The following FRMD4A variants were observed in gnomAD, a reference collection of about 807,000 sequenced individuals.
The protein encoded by FRMD4A is FERM domain-containing protein 4A.
FRMD4A carries 29 observed loss-of-function variants against 129.1 expected under a neutral mutation model. The ratio of observed to expected loss-of-function variants is 0.22; its 90% CI spans 0.17 to 0.31. The LOEUF (loss-of-function observed/expected upper bound fraction) is 0.31. FRMD4A is among the 10% of genes least tolerant of loss of function. The probability of loss-of-function intolerance (pLI) is 1.00; values close to 1 mark genes in which losing one functional copy is unlikely to be tolerated. For synonymous variants in FRMD4A, 634 were observed against 571.6 expected (o/e 1.11, Z -1.56); for missense variants, 1,272 against 1,375.8 (o/e 0.92, Z 1.19).
At chr10:13,808,289 T>C (rs2093390670) in intron 4 of FRMD4A, among the ~76,000 whole-genome samples, 1 of 152,242 alleles carries the variant, frequency 6.6e-6, no homozygotes, top group Non-Finnish European at 1.5e-5. Flanking sequence ...CATTTTACTG[T>C]AAAACACACA....
intron 2 of FRMD4A, among the ~76,000 whole-genome samples, chr10:14,191,823 CT>C (rs1842328651): frequency 1.3e-5 from 2 of 149,204 alleles, no homozygotes; most frequent in Non-Finnish European, 3.0e-5. Flanking sequence ...CTCTCTCTCT[CT>C]CCTGGCAAAT....
chr10:14,197,508 C>G (rs2131933889), intron 2 of FRMD4A, among the ~76,000 whole-genome samples: 1 of 152,146 alleles, frequency 6.6e-6, no homozygotes, highest in East Asian at 1.9e-4. Context: ...TTACAGGCGT[C>G]CGCCATCAGG....
At chr10:13,960,429 T>C (rs1014229337) in intron 2 of FRMD4A, among the ~76,000 whole-genome samples, 7 of 152,218 alleles carry the variant, frequency 4.6e-5, no homozygotes, top group Non-Finnish European at 1.0e-4. Context: ...AGGGAGTAAA[T>C]TGATAACTGT....
intron 2 of FRMD4A, among the ~76,000 whole-genome samples, chr10:14,186,650 G>C (rs979487953): frequency 6.6e-6 from 1 of 152,182 alleles, no homozygotes; most frequent in Non-Finnish European, 1.5e-5. Context: ...CCAAGGACTA[G>C]ACCATGCATC....
chr10:13,847,430 C>T (rs1011255551), intron 3 of FRMD4A, among the ~76,000 whole-genome samples: 2 of 152,176 alleles, frequency 1.3e-5, no homozygotes, highest in South Asian at 2.1e-4. Context: ...CCAGACCGTT[C>T]GCTTCCTCCC....
chr10:14,184,920 C>T (rs759339591), intron 2 of FRMD4A, among the ~76,000 whole-genome samples: 1 of 152,146 alleles, frequency 6.6e-6, no homozygotes, highest in Non-Finnish European at 1.5e-5. Context: ...CAAACGCGAC[C>T]GCTAAAGTCG....
intron 2 of FRMD4A, among the ~76,000 whole-genome samples, chr10:14,105,694 G>T (rs1363034479): frequency 6.6e-6 from 1 of 152,094 alleles, no homozygotes; most frequent in Non-Finnish European, 1.5e-5. Context: ...TCCAGATAAG[G>T]TCCATAAATA....
In FRMD4A at chr10:13,767,331, T is replaced by C. The variant is rs555452656; in HGVS notation, c.385-4651A>G. Among the ~76,000 whole-genome samples the C allele has an allele frequency of 2.6e-5, 4 of 152,228 alleles. No individual in the cohort carries two copies. In the East Asian group the frequency reaches 7.7e-4, roughly 29 times the overall value. Reference sequence around the variant, plus strand: ...TGGGCTCACAGCAACCTCCGCCTTCTGGGTTCCAGCAATTCTTGTGCCACA... The same window carrying C: ...TGGGCTCACAGCAACCTCCGCCTTCCGGGTTCCAGCAATTCTTGTGCCACA... On this transcript the variant is annotated intron_variant, in intron 6 of 24. Coordinates refer to ENST00000357447, the MANE Select transcript of FRMD4A (RefSeq NM_018027.5).
intron 2 of FRMD4A, among the ~76,000 whole-genome samples, chr10:14,021,548 C>T (rs1023795215): frequency 6.6e-6 from 1 of 151,826 alleles, no homozygotes; most frequent in South Asian, 2.1e-4. Flanking sequence ...TAGAGGGAGA[C>T]CCTGACTCAA....
At chr10:13,741,829 G>T (rs1048649021) in intron 9 of FRMD4A, among the ~76,000 whole-genome samples, 4 of 152,270 alleles carry the variant, frequency 2.6e-5, no homozygotes, top group African/African-American at 9.6e-5. Context: ...AATTAGACAG[G>T]CGCTCCCTCC....
chr10:13,684,840 G>C, intron 15 of FRMD4A: 1 of 982,272 alleles, frequency 1.0e-6, no homozygotes, highest in Non-Finnish European at 1.2e-6. Flanking sequence ...CTAAAGAAGG[G>C]AAATGACAAT....
At position 13,810,805 on chromosome 10, in the gene FRMD4A, A is replaced by G. The variant is rs747639737; in HGVS notation, c.206+9T>C. 3 of 1,428,734 alleles carry G rather than the reference A, an allele frequency of 2.1e-6. No individual in the cohort carries two copies. Among genetic ancestry groups the G allele is most frequent in the Admixed American group, 1.7e-5 (1 of 59,328 alleles). The allele number at this position is 1,428,734 out of a possible 1,614,324, so 88.5% of individuals were successfully genotyped here. ...CCTTCGGGCTGTGAGGGCTCAAGGCAGTACTTACGTTTCATCTGTGAATGC... is the reference window on the plus strand; with the variant it reads ...CCTTCGGGCTGTGAGGGCTCAAGGCGGTACTTACGTTTCATCTGTGAATGC... On this transcript the variant is annotated intron_variant, in intron 4 of 24. Coordinates refer to ENST00000357447, the MANE Select transcript of FRMD4A (RefSeq NM_018027.5).
intron 6 of FRMD4A, among the ~76,000 whole-genome samples, chr10:13,781,653 C>T (rs963478799): frequency 3.3e-5 from 5 of 152,094 alleles, no homozygotes; most frequent in African/African-American, 1.2e-4. Context: ...GCTGGGATTA[C>T]AGGCATGAGC....
At position 13,747,280 on chromosome 10, in the gene FRMD4A, C is replaced by A. The variant is rs555229431; in HGVS notation, c.548+456G>T. On this transcript the variant is annotated intron_variant, in intron 9 of 24. Transcript: ENST00000357447. Reference sequence around the variant, plus strand: ...AGGCGTGGTAGCTCACCCCTGTAATCCCAGCACTTTGGGAGGCCGAGGCAA... The same window carrying A: ...AGGCGTGGTAGCTCACCCCTGTAATACCAGCACTTTGGGAGGCCGAGGCAA... Among the ~76,000 whole-genome samples, 94 of 151,996 alleles carry A rather than the reference C, an allele frequency of 6.2e-4. 2 individuals carry two copies. In the South Asian group the frequency reaches 8.1e-3, roughly 13 times the overall value.
At chr10:13,833,753 G>GATT (rs2093827498) in intron 3 of FRMD4A, among the ~76,000 whole-genome samples, 1 of 152,022 alleles carries the variant, frequency 6.6e-6, no homozygotes, top group Non-Finnish European at 1.5e-5. Context: ...ATACAGAATT[G>GATT]CAGTTAATCA....
At chr10:14,241,682 C>CAAAAAA (rs1844048288) in intron 2 of FRMD4A, among the ~76,000 whole-genome samples, 1 of 40,758 alleles carries the variant, frequency 2.5e-5, no homozygotes, top group African/African-American at 1.0e-4. Context: ...TTTACCCTCC[C>CAAAAAA]TAAAAAAAAA....
intron 3 of FRMD4A, among the ~76,000 whole-genome samples, chr10:13,851,994 T>C (rs1335679703): frequency 6.6e-6 from 1 of 151,792 alleles, no homozygotes; most frequent in Non-Finnish European, 1.5e-5. Flanking sequence ...GGGCTCCCAC[T>C]GATTTGACAT....
At chr10:13,802,471 A>G (rs1180011613) in intron 4 of FRMD4A, among the ~76,000 whole-genome samples, 1 of 152,218 alleles carries the variant, frequency 6.6e-6, no homozygotes, top group East Asian at 1.9e-4. Context: ...ATCTATTTAG[A>G]GACAGGGTCT....
At chr10:13,978,834 G>A (rs1318928789) in intron 2 of FRMD4A, among the ~76,000 whole-genome samples, 2 of 152,176 alleles carry the variant, frequency 1.3e-5, no homozygotes, top group Non-Finnish European at 2.9e-5. Context: ...GAAAGTACAG[G>A]AGAGGCAGGA....
Sources: allele counts gnomAD v4.1 joint callset (sites outside exome capture counted in the v4.1 genomes callset), GRCh38; gene constraint gnomAD v4.1.1; transcripts MANE v1.5; gene names NCBI Gene and HGNC (gene_info 2026-07-23, HGNC 2026-07-21).